The following TAFA2 variants were observed in gnomAD, a reference collection of about 807,000 sequenced individuals.
TAFA2 encodes TAFA chemokine like family member 2.
A neutral mutation model predicts 18.8 loss-of-function variants in TAFA2; 7 were observed. The ratio of observed to expected loss-of-function variants is 0.37; its 90% CI spans 0.21 to 0.70. The LOEUF (loss-of-function observed/expected upper bound fraction) is 0.70. TAFA2 is among the 30% of genes least tolerant of loss of function. The pLI is 0.53. For missense variants in TAFA2, 122 were observed against 158.1 expected (o/e 0.77, Z 1.23); for synonymous variants, 60 against 54.2 (o/e 1.11, Z -0.47).
At chr12:61,901,707 A>C (rs1876108246) in intron 1 of TAFA2, among the ~76,000 whole-genome samples, 1 of 152,156 alleles carries the variant, frequency 6.6e-6, no homozygotes. Flanking sequence ...AATTGAAGGC[A>C]CCACACTAAT....
At chr12:61,825,213 G>A (rs1358641362) in intron 2 of TAFA2, among the ~76,000 whole-genome samples, 1 of 152,066 alleles carries the variant, frequency 6.6e-6, no homozygotes. Context: ...ATGAGGGCCT[G>A]AACTAGGCTG....
chr12:62,065,333 G>A (rs780831344), intron 1 of TAFA2, among the ~76,000 whole-genome samples: 1 of 151,968 alleles, frequency 6.6e-6, no homozygotes, highest in Non-Finnish European at 1.5e-5. Context: ...TAGTAAACAG[G>A]AAAAGGAATT....
chr12:61,932,664 ACT>A (rs1214611910), intron 1 of TAFA2, among the ~76,000 whole-genome samples: 1 of 150,998 alleles, frequency 6.6e-6, no homozygotes, highest in Non-Finnish European at 1.5e-5. Context: ...CTGGTCTTGA[ACT>A]CTTGACCTCG....
At chr12:61,898,661 GC>G (rs1337902111) in intron 1 of TAFA2, among the ~76,000 whole-genome samples, 1 of 152,100 alleles carries the variant, frequency 6.6e-6, no homozygotes, top group Non-Finnish European at 1.5e-5. Flanking sequence ...GGGACCCTGG[GC>G]CCTGCCCATG....
At chr12:61,982,327 A>G (rs1475186044) in intron 1 of TAFA2, among the ~76,000 whole-genome samples, 1 of 152,160 alleles carries the variant, frequency 6.6e-6, no homozygotes, top group East Asian at 1.9e-4. Context: ...ATTAGGAGAA[A>G]TACCTAATGT....
At chr12:61,905,680 G>A (rs1216678547) in intron 1 of TAFA2, among the ~76,000 whole-genome samples, 6 of 152,164 alleles carry the variant, frequency 3.9e-5, no homozygotes, top group Admixed American at 2.0e-4. Flanking sequence ...TATCCAATTA[G>A]TCTCAAATGA....
At chr12:62,181,742 T>C (rs1179932750) in intron 1 of TAFA2, among the ~76,000 whole-genome samples, 1 of 152,190 alleles carries the variant, frequency 6.6e-6, no homozygotes, top group Non-Finnish European at 1.5e-5. Flanking sequence ...TAGAGTCACG[T>C]ACCTTAGCTA....
chr12:62,072,684 G>A (rs1240502661), intron 1 of TAFA2, among the ~76,000 whole-genome samples: 2 of 152,088 alleles, frequency 1.3e-5, no homozygotes, highest in Admixed American at 6.6e-5. Flanking sequence ...TACTTGGGAG[G>A]CTGAGGTAGA....
chr12:61,759,680 A>G (rs1391136476), intron 2 of TAFA2, among the ~76,000 whole-genome samples: 1 of 152,068 alleles, frequency 6.6e-6, no homozygotes, highest in African/African-American at 2.4e-5. Flanking sequence ...AGGAGGGTAC[A>G]CTTTCCAAAT....
chr12:61,955,817 A>G (rs1878677356), intron 1 of TAFA2, among the ~76,000 whole-genome samples: 1 of 151,532 alleles, frequency 6.6e-6, no homozygotes, highest in Non-Finnish European at 1.5e-5. Flanking sequence ...CATAACAGTG[A>G]AAGATATGAC....
Position 62,258,762 on chromosome 12 carries a change from C to A in TAFA2, c.-130+1G>T. ...AAGGTTGAAGTGAGGTTTGAACTTA[C>A]ATCCATGTAGCTCCAATATATGTTT... On this transcript the variant is annotated splice_donor_variant, in intron 1 of 5. Coordinates refer to the TAFA2 transcript ENST00000551619. LOFTEE classifies it low-confidence loss of function (5UTR_SPLICE). 1 of 377,606 alleles carries A rather than the reference C, an allele frequency of 2.6e-6. No individual in the cohort carries two copies. The highest frequency in any genetic ancestry group is 1.9e-5 in the South Asian group (1 of 53,444). The allele number at this position is 377,606 out of a possible 1,614,324, so 23.4% of individuals were successfully genotyped here.
chr12:62,127,366 A>C (rs552697862), intron 1 of TAFA2, among the ~76,000 whole-genome samples: 2 of 152,104 alleles, frequency 1.3e-5, no homozygotes, highest in Admixed American at 6.6e-5. Flanking sequence ...CAGGTATAAT[A>C]AACCTTTATT....
intron 2 of TAFA2, among the ~76,000 whole-genome samples, chr12:61,769,576 C>G (rs189556853): frequency 6.6e-6 from 1 of 152,022 alleles, no homozygotes; most frequent in African/African-American, 2.4e-5. Context: ...TCTTTGAAGA[C>G]ACCCCCCAGT....
intron 1 of TAFA2, among the ~76,000 whole-genome samples, chr12:61,907,031 T>C (rs367737108): frequency 6.6e-5 from 10 of 151,976 alleles, no homozygotes; most frequent in South Asian, 4.1e-4. Flanking sequence ...GGCACTTAGG[T>C]TTAAAAGGGA....
chr12:62,100,402 A>T (rs1035282060), intron 1 of TAFA2, among the ~76,000 whole-genome samples: 23 of 152,308 alleles, frequency 1.5e-4, no homozygotes, highest in Non-Finnish European at 3.2e-4. Flanking sequence ...TGAAGGCTGG[A>T]GATAGAAAAT....
chr12:61,947,380 C>T (rs1347150060), intron 1 of TAFA2, among the ~76,000 whole-genome samples: 3 of 150,238 alleles, frequency 2.0e-5, no homozygotes, highest in East Asian at 2.0e-4. Flanking sequence ...GTGGGTGCAG[C>T]GCACCAGCAT....
intron 1 of TAFA2, among the ~76,000 whole-genome samples, chr12:62,072,156 C>T (rs555581423): frequency 6.6e-6 from 1 of 152,070 alleles, no homozygotes; most frequent in Non-Finnish European, 1.5e-5. Flanking sequence ...AAATCTTGCA[C>T]CTTTTGTGTT....
At chr12:62,177,218 T>C (rs2062520203) in intron 1 of TAFA2, among the ~76,000 whole-genome samples, 1 of 152,230 alleles carries the variant, frequency 6.6e-6, no homozygotes. Context: ...GACACTCAAG[T>C]GGTAACAGAA....
At position 62,156,972 on chromosome 12, in the gene TAFA2, T is replaced by C. The variant is rs551469858; in HGVS notation, c.-2+34287A>G. On this transcript the variant is annotated intron_variant, in intron 1 of 4. Coordinates refer to ENST00000416284, the MANE Select transcript of TAFA2 (RefSeq NM_178539.5). The stretch of plus-strand genomic sequence containing the variant: ...AGGATTTTTTTTACTCTTTGCTTTA[T>C]TTCTTTAAGTACATTATTTGCCTTG... Among the ~76,000 whole-genome samples the C allele has an allele frequency of 2.0e-5, 3 of 152,320 alleles. No homozygotes were observed. In the East Asian group the frequency reaches 5.8e-4, roughly 29 times the overall value.
Sources: allele counts gnomAD v4.1 joint callset (sites outside exome capture counted in the v4.1 genomes callset), GRCh38; gene constraint gnomAD v4.1.1; transcripts MANE v1.5; gene names NCBI Gene and HGNC (gene_info 2026-07-23, HGNC 2026-07-21).